Variants in EBF2 observed in about 807,000 individuals in gnomAD.
EBF2 encodes the protein EBF transcription factor 2.
In EBF2, 21 loss-of-function variants were observed where a neutral mutation model predicts 72.8. That is an observed-to-expected ratio of 0.29 (90% CI 0.20 to 0.42). The LOEUF is 0.42. EBF2 is among the 10% of genes least tolerant of loss of function. The pLI, the probability that EBF2 is intolerant of heterozygous loss-of-function variation, is 1.00. For missense variants in EBF2, 637 were observed against 731.2 expected, an observed-to-expected ratio of 0.87 and a Z score of 1.49; for synonymous variants, 299 against 274.2, an observed-to-expected ratio of 1.09 and a Z score of -0.89.
intron 5 of EBF2, among the ~76,000 whole-genome samples, chr8:26,039,255 T>G (rs1399830240): frequency 4.0e-5 from 6 of 149,328 alleles, no homozygotes; most frequent in African/African-American, 1.5e-4. Context: ...AAAAAAAGGG[T>G]GGGGGGGGAA....
Position 26,041,000 on chromosome 8 carries a change from T to C in EBF2, c.291A>G (p.Glu97=). Reference sequence around the variant, plus strand: ...CGTTGTTGGTCTTCTCGTTGCCTTGTTCCTGAAAAGACAGGCAGCGTTCGA... The same window carrying C: ...CGTTGTTGGTCTTCTCGTTGCCTTGCTCCTGAAAAGACAGGCAGCGTTCGA... ...AFVDFVENDK[E]QGNEKTNNGT... is the part of the protein sequence containing the mutation. The change falls in exon 3 of 16, where the codon GAA becomes GAG. Residue 97 remains glutamate (E), a splice_region_variant and synonymous_variant. Coordinates refer to ENST00000520164, the MANE Select transcript of EBF2 (RefSeq NM_022659.4). 6 of 1,614,134 alleles carry C rather than the reference T, an allele frequency of 3.7e-6. No individual in the cohort carries two copies. The highest frequency in any genetic ancestry group is 5.1e-6 in the Non-Finnish European group (6 of 1,180,004).
intron 7 of EBF2, among the ~76,000 whole-genome samples, chr8:25,896,729 T>C (rs1043165877): frequency 5.9e-5 from 9 of 152,192 alleles, no homozygotes; most frequent in African/African-American, 1.9e-4. Context: ...CAGTTCCATA[T>C]TGCAAGGAGA....
chr8:25,975,611 CTG>C (rs1319558730), intron 6 of EBF2, among the ~76,000 whole-genome samples: 3 of 152,154 alleles, frequency 2.0e-5, no homozygotes, highest in Non-Finnish European at 4.4e-5. Flanking sequence ...GTTTTAAAAA[CTG>C]TGCTATAGGA....
chr8:25,854,095 C>A (rs1246194232), intron 14 of EBF2, among the ~76,000 whole-genome samples: 1 of 152,058 alleles, frequency 6.6e-6, no homozygotes, highest in Non-Finnish European at 1.5e-5. Context: ...AATGGAAAAT[C>A]TCGATTTCTT....
chr8:25,970,381 G>A (rs759218495), intron 6 of EBF2, among the ~76,000 whole-genome samples: 2 of 152,046 alleles, frequency 1.3e-5, no homozygotes, highest in African/African-American at 2.4e-5. Context: ...AAGCAGGTGC[G>A]GGCATATTTT....
intron 6 of EBF2, among the ~76,000 whole-genome samples, chr8:26,024,837 G>A (rs1327350994): frequency 6.6e-6 from 1 of 152,118 alleles, no homozygotes; most frequent in Non-Finnish European, 1.5e-5. Context: ...CTTAAGGGGA[G>A]AGGTATTATT....
intron 6 of EBF2, among the ~76,000 whole-genome samples, chr8:26,025,876 TAA>T (rs530619353): frequency 1.4e-5 from 2 of 147,860 alleles, no homozygotes; most frequent in Admixed American, 6.8e-5. Context: ...AATTTTCACT[TAA>T]AAAAAAAAAT....
Position 26,040,646 on chromosome 8 carries a change from A to G in EBF2, c.378T>C (p.Tyr126=), listed in dbSNP as rs1805583793. The change falls in exon 4 of 16, where the codon TAT becomes TAC. Residue 126 remains tyrosine, a synonymous_variant. Transcript: ENST00000520164. ...TGGTGACCGAGTCGATGAGCCTGAC[A>G]TAGAGGTCCTGTTCCGTGCGGACAC... ...SNGVRTEQDL[Y]VRLIDSVTKQ... 5.1e-6 allele frequency: 8 copies of G among 1,555,638 alleles called. No individual in the cohort carries two copies. Among genetic ancestry groups the G allele is most frequent in the Non-Finnish European group, 7.0e-6 (8 of 1,149,062 alleles).
At chr8:25,858,727 T>C (rs1050805604) in intron 13 of EBF2, among the ~76,000 whole-genome samples, 3 of 149,900 alleles carry the variant, frequency 2.0e-5, no homozygotes, top group Non-Finnish European at 3.0e-5. Context: ...TGGCACGATC[T>C]TGGCTCACTG....
chr8:25,901,848 C>A (rs138653278), intron 7 of EBF2, among the ~76,000 whole-genome samples: 237 of 152,332 alleles, frequency 1.6e-3, no homozygotes, highest in Non-Finnish European at 2.8e-3. Context: ...GGAAAGTCAC[C>A]TGAATGTCAC....
At chr8:25,913,687 A>C (rs1319048074) in intron 6 of EBF2, among the ~76,000 whole-genome samples, 1 of 152,138 alleles carries the variant, frequency 6.6e-6, no homozygotes, top group African/African-American at 2.4e-5. Context: ...AAAGACCAAG[A>C]GAGGGGATGC....
chr8:25,862,435 GTTAT>G (rs775315841), intron 11 of EBF2, among the ~76,000 whole-genome samples: 1 of 152,078 alleles, frequency 6.6e-6, no homozygotes, highest in Non-Finnish European at 1.5e-5. Context: ...CAATTATGCA[GTTAT>G]TTATTTTCAT....
intron 15 of EBF2, among the ~76,000 whole-genome samples, chr8:25,845,944 ATC>A (rs1166597640): frequency 6.6e-6 from 1 of 151,940 alleles, no homozygotes. Context: ...CAACCCTTCC[ATC>A]TCTCTCTCCT....
At chr8:25,854,883 T>C (rs557340836) in intron 14 of EBF2, among the ~76,000 whole-genome samples, 13 of 152,300 alleles carry the variant, frequency 8.5e-5, no homozygotes, top group Admixed American at 2.6e-4. Flanking sequence ...GATGTAGGAA[T>C]CTATGAGGAC....
intron 14 of EBF2, among the ~76,000 whole-genome samples, chr8:25,853,312 TC>T (rs1341127045): frequency 1.3e-5 from 2 of 152,150 alleles, no homozygotes; most frequent in Admixed American, 1.3e-4. Context: ...TATGTTCATA[TC>T]CTCAATAGCT....
chr8:26,042,448 G>A (rs556123693), intron 1 of EBF2, among the ~76,000 whole-genome samples, 197 bp from the exon 2 acceptor site: 1 of 152,152 alleles, frequency 6.6e-6, no homozygotes, highest in East Asian at 1.9e-4. Context: ...ACGGGGGTTG[G>A]GTGGCAGGGT....
intron 10 of EBF2, among the ~76,000 whole-genome samples, chr8:25,870,176 C>T (rs1802409687): frequency 6.6e-6 from 1 of 152,156 alleles, no homozygotes; most frequent in South Asian, 2.1e-4. Context: ...CTAGCAAACA[C>T]AAACAGCTGC....
chr8:25,943,807 T>C (rs1803720091), intron 6 of EBF2, among the ~76,000 whole-genome samples: 1 of 152,180 alleles, frequency 6.6e-6, no homozygotes, highest in African/African-American at 2.4e-5. Flanking sequence ...GGGGCTTACT[T>C]TGATTTGGAA....
chr8:25,850,870 T>C, intron 14 of EBF2, 109 bp from the exon 15 acceptor site: 2 of 1,291,024 alleles, frequency 1.5e-6, no homozygotes, highest in African/African-American at 1.6e-5. Context: ...TTGTTCCAGA[T>C]TGCAGGGATT....
Sources: gnomAD v4.1 joint callset for allele counts (sites outside exome capture counted in the v4.1 genomes callset) on GRCh38, gnomAD v4.1.1 for gene constraint, MANE v1.5 for transcripts, NCBI Gene and HGNC (gene_info 2026-07-23, HGNC 2026-07-21) for gene names.